RPH3AL: variants seen among roughly 807,000 people sequenced by gnomAD.
RPH3AL encodes rabphilin 3A like (without C2 domains), also known as rab effector Noc2.
A neutral mutation model predicts 43.1 loss-of-function variants in RPH3AL; 38 were observed. The observed-to-expected ratio is 0.88, with a 90% CI of 0.68 to 1.15. The LOEUF is 1.15. RPH3AL is among the 50% of genes most tolerant of loss of function. The pLI is 0.00. For synonymous variants in RPH3AL, 189 were observed against 176.3 expected (o/e 1.07, Z -0.57); for missense variants, 462 against 423.2 (o/e 1.09, Z -0.81).
At chr17:263,230 G>A (rs1456565807) in intron 6 of RPH3AL, among the ~76,000 whole-genome samples, 1 of 152,156 alleles carries the variant, frequency 6.6e-6, no homozygotes, top group African/African-American at 2.4e-5. Flanking sequence ...GGAGTCAAGG[G>A]TACCAAAGCT....
At chr17:253,168 A>G (rs374131624) in intron 6 of RPH3AL, among the ~76,000 whole-genome samples, 5 of 152,250 alleles carry the variant, frequency 3.3e-5, no homozygotes, top group African/African-American at 1.2e-4. Flanking sequence ...CACCAGAGTG[A>G]GGGGCGTGGG....
intron 8 of RPH3AL, among the ~76,000 whole-genome samples, chr17:216,179 C>T (rs1446302873): frequency 3.0e-5 from 3 of 100,940 alleles, no homozygotes; most frequent in Non-Finnish European, 6.4e-5. Flanking sequence ...CCTGACCTCA[C>T]CCACATGGCT....
At chr17:305,694 G>A (rs1394948812) in intron 5 of RPH3AL, among the ~76,000 whole-genome samples, 1 of 151,960 alleles carries the variant, frequency 6.6e-6, no homozygotes, top group African/African-American at 2.4e-5. Flanking sequence ...CTCCCACCAC[G>A]CCCACACCTG....
intron 7 of RPH3AL, among the ~76,000 whole-genome samples, chr17:238,995 G>A (rs2151526827): frequency 6.6e-6 from 1 of 152,338 alleles, no homozygotes; most frequent in East Asian, 1.9e-4. Context: ...CAGGGATCAG[G>A]TGGAGGGGGA....
rs377363365 is a variant in RPH3AL, at chr17:346,842, G to A, written c.-213+5870C>T. On this transcript the variant is annotated intron_variant, in intron 1 of 9. Transcript: ENST00000331302. ...AGATGTCCAACATGATATGTAATTA[G>A]GGAATTGCAAATTAAAACAACAAGA... Among the ~76,000 whole-genome samples, 15 of 136,132 alleles carry A rather than the reference G, an allele frequency of 1.1e-4. 4 individuals are homozygous for A. Among genetic ancestry groups the A allele is most frequent in the Admixed American group, 9.9e-4 (14 of 14,088 alleles). 89.3% of individuals were successfully genotyped at this position (136,132 alleles called of 152,430 possible).
At chr17:297,336 G>A (rs890845626) in intron 5 of RPH3AL, among the ~76,000 whole-genome samples, 8 of 152,218 alleles carry the variant, frequency 5.3e-5, no homozygotes, top group Non-Finnish European at 1.2e-4. Context: ...AGTTCTGTGA[G>A]CCACTCTAGC....
intron 1 of RPH3AL, among the ~76,000 whole-genome samples, chr17:344,503 TCAC>T (rs1197170199): frequency 3.0e-5 from 4 of 131,936 alleles, no homozygotes; most frequent in East Asian, 2.5e-4. Flanking sequence ...GTCATCTGTG[TCAC>T]CACCACCATC....
chr17:315,929 C>T (rs1336692003), intron 5 of RPH3AL, among the ~76,000 whole-genome samples: 119 of 55,772 alleles, frequency 2.1e-3, no homozygotes, highest in African/African-American at 6.8e-3. Context: ...AGTCCCTGTG[C>T]CCCCACCTCC....
chr17:247,394 G>C, intron 6 of RPH3AL, 109 bp from the exon 7 acceptor site: 1 of 1,171,866 alleles, frequency 8.5e-7, no homozygotes, highest in Non-Finnish European at 1.2e-6. Flanking sequence ...GAGCAGAGTG[G>C]GAGTGGGAAC....
intron 5 of RPH3AL, among the ~76,000 whole-genome samples, chr17:315,565 C>CT (rs2043992944): frequency 1.9e-5 from 1 of 53,736 alleles, no homozygotes; most frequent in Admixed American, 2.3e-4. Flanking sequence ...GTCCCTGTGC[C>CT]CCACCTCCAT....
At chr17:306,604 G>A (rs1374416266) in intron 5 of RPH3AL, 1 of 152,098 alleles carries the variant, frequency 6.6e-6, no homozygotes, top group African/African-American at 2.4e-5. Context: ...CTTCATTATG[G>A]CGAATTGGAT....
chr17:213,106 T>C lies in RPH3AL; in HGVS notation c.*746A>G, dbSNP rs2040711546. 1 of 152,064 alleles carries C rather than the reference T, an allele frequency of 6.6e-6. No homozygotes were observed. The highest frequency in any genetic ancestry group is 6.6e-5 in the Admixed American group (1 of 15,260). The allele number at this position is 152,064 out of a possible 1,614,324, so 9.4% of individuals were successfully genotyped here. On this transcript the variant is annotated 3_prime_UTR_variant, in exon 10 of 10. Transcript: ENST00000331302. Reference sequence around the variant, plus strand: ...CCATCTCTTCTAAAAATACAAAAATTAACTGGGTGTGGTGGCGGGCATCTG... The same window carrying C: ...CCATCTCTTCTAAAAATACAAAAATCAACTGGGTGTGGTGGCGGGCATCTG...
chr17:259,512 C>T (rs2042151123), intron 6 of RPH3AL, among the ~76,000 whole-genome samples: 1 of 152,164 alleles, frequency 6.6e-6, no homozygotes, highest in African/African-American at 2.4e-5. Context: ...CCTCCCCGCC[C>T]AGGAATAGTG....
intron 7 of RPH3AL, among the ~76,000 whole-genome samples, chr17:236,815 C>T (rs1157966182): frequency 9.2e-5 from 14 of 152,262 alleles, no homozygotes; most frequent in South Asian, 4.1e-4. Context: ...CAGTGAGCGT[C>T]GAGAACTGAG....
chr17:219,281 C>G (rs1400894103), intron 8 of RPH3AL, among the ~76,000 whole-genome samples: 1 of 135,006 alleles, frequency 7.4e-6, no homozygotes, highest in Non-Finnish European at 1.5e-5. Flanking sequence ...TCACATCAAC[C>G]TCCACCCCCT....
In RPH3AL at chr17:270,373, G is replaced by T. The variant is rs149980161; in HGVS notation, c.438+11395C>A. Reference sequence around the variant, plus strand: ...GGAAGCAGGTGCCGCAAGGATGCTGGGCTGGGGCTCGGCTAGCACGGCCAG... The same window carrying T: ...GGAAGCAGGTGCCGCAAGGATGCTGTGCTGGGGCTCGGCTAGCACGGCCAG... On this transcript the variant is annotated intron_variant, in intron 6 of 9. Transcript: ENST00000331302. Among the ~76,000 whole-genome samples, 78 of 152,354 alleles carry T rather than the reference G, an allele frequency of 5.1e-4. 3 individuals are homozygous for T. In the East Asian group the frequency reaches 0.013, roughly 26 times the overall value.
rs1374183681 is a variant in RPH3AL at position 327,562 on chromosome 17, G to C, written c.-19C>G. The C allele has an allele frequency of 6.2e-7, 1 of 1,612,072 alleles. No individual in the cohort carries two copies. The highest frequency in any genetic ancestry group is 8.5e-7 in the Non-Finnish European group (1 of 1,178,982). On this transcript the variant is annotated 5_prime_UTR_variant, in exon 3 of 10. Coordinates refer to ENST00000331302, the MANE Select transcript of RPH3AL (RefSeq NM_006987.4). ...CGGCCATGGCTCGGAGCACCCGGCT[G>C]GGGGTGGGGAGTCACATCTGAGATG...
rs4627431 is a variant in RPH3AL at position 333,165 on chromosome 17, T to G, written c.-37+594A>C. The G allele has an allele frequency of 0.012, 14,270 of 1,189,146 alleles. 779 individuals carry two copies. In the East Asian group the frequency reaches 0.27, roughly 23 times the overall value. 73.7% of individuals were successfully genotyped at this position (1,189,146 alleles called of 1,614,324 possible). The stretch of plus-strand genomic sequence containing the variant: ...CCATTAGAGCTCACCACCCCGGGCG[T>G]TCGTCACTGCAGACATCACTGCAGA... On this transcript the variant is annotated intron_variant, in intron 2 of 9. Transcript: ENST00000331302. The surrounding 1 kb of genome is among the most constrained non-coding windows in gnomAD (Gnocchi z 4.5).
chr17:253,553 C>T (rs948672845), intron 6 of RPH3AL, among the ~76,000 whole-genome samples: 8 of 152,136 alleles, frequency 5.3e-5, no homozygotes, highest in Admixed American at 5.2e-4. Flanking sequence ...TAACATCAAA[C>T]GTATCACCTG....
Sources: gnomAD v4.1 joint callset for allele counts (sites outside exome capture counted in the v4.1 genomes callset) on GRCh38, gnomAD v4.1.1 for gene constraint, Gnocchi (gnomAD v3.1) non-coding constraint, MANE v1.5 for transcripts, NCBI Gene and HGNC (gene_info 2026-07-23, HGNC 2026-07-21) for gene names.